The following WSCD1 variants were observed in gnomAD, a reference collection of about 807,000 sequenced individuals.
The protein encoded by WSCD1 is sialate:O-sulfotransferase 1.
In WSCD1, 41 loss-of-function variants were observed where a neutral mutation model predicts 60.4. The observed-to-expected ratio is 0.68, with a 90% CI of 0.53 to 0.88. WSCD1 has a LOEUF of 0.88. Ranked by LOEUF, WSCD1 falls within the 40% of genes least tolerant of loss-of-function variation. The probability of loss-of-function intolerance (pLI) is 0.00; values close to 1 mark genes in which losing one functional copy is unlikely to be tolerated. For missense variants in WSCD1, 784 were observed against 796.2 expected (o/e 0.98, Z 0.18); for synonymous variants, 361 against 332.5 (o/e 1.09, Z -0.93).
rs368447090 is a variant in WSCD1 at position 6,110,957 on chromosome 17, C to T, written c.1174+22C>T. Reference sequence around the variant, plus strand: ...AAAGGTAAGTCAAAGCTACAGGGGACGATGGAAGGCAGCTCCCGGTGACCA... The same window carrying T: ...AAAGGTAAGTCAAAGCTACAGGGGATGATGGAAGGCAGCTCCCGGTGACCA... On this transcript the variant is annotated intron_variant, in intron 7 of 8. Coordinates refer to ENST00000317744, the MANE Select transcript of WSCD1 (RefSeq NM_015253.2). The surrounding 1 kb of genome is among the most constrained non-coding windows in gnomAD (Gnocchi z 4.8). 4.1e-5 allele frequency: 65 copies of T among 1,570,266 alleles called. No homozygotes were observed. Among genetic ancestry groups the T allele is most frequent in the South Asian group, 4.0e-4 (35 of 86,664 alleles).
At chr17:6,104,991 A>G (rs1294954159) in intron 5 of WSCD1, among the ~76,000 whole-genome samples, 3 of 152,178 alleles carry the variant, frequency 2.0e-5, no homozygotes, top group African/African-American at 7.2e-5. Context: ...CTGAAGATGG[A>G]GGAGATGATG....
Position 6,074,240 on chromosome 17 carries a change from G to A in WSCD1, c.-289+3588G>A, listed in dbSNP as rs115045641. Among the ~76,000 whole-genome samples, 736 of 152,214 alleles carry A rather than the reference G, an allele frequency of 4.8e-3. 9 individuals carry two copies. Among genetic ancestry groups the A allele is most frequent in the African/African-American group, 0.017 (704 of 41,526 alleles). ...TGAAGTTCAAACTCTCAAGAGATTT[G>A]CCTCATCAAAGACAGGGATCCCACC... On this transcript the variant is annotated intron_variant, in intron 1 of 8. Transcript: ENST00000317744.
At chr17:6,091,791 G>A (rs1597358247) in intron 4 of WSCD1, among the ~76,000 whole-genome samples, 2 of 152,182 alleles carry the variant, frequency 1.3e-5, no homozygotes, top group East Asian at 3.9e-4. Context: ...ACCGCCTCTG[G>A]TCATGCCCTA....
At chr17:6,087,937 G>A (rs1909763814) in intron 2 of WSCD1, 53 bp from the exon 3 acceptor site, 3 of 1,456,780 alleles carry the variant, frequency 2.1e-6, no homozygotes, top group Non-Finnish European at 2.9e-6. Context: ...TTTCCTAAGG[G>A]TGGGCCCATG....
chr17:6,080,708 TC>T lies in WSCD1; in HGVS notation c.52del (p.Leu18CysfsTer10). The T allele has an allele frequency of 6.2e-7, 1 of 1,613,612 alleles. No homozygotes were observed. The highest frequency in any genetic ancestry group is 8.5e-7 in the Non-Finnish European group (1 of 1,179,926). The part of the protein sequence containing the change: ...RLQKFLRRTQ[F>X]LLFFLTAAYL... ...CAGAAGTTTCTCCGCCGAACACAGTTCCTGCTGTTCTTCCTCACGGCTGCCT... is the reference window on the plus strand; with the variant it reads ...CAGAAGTTTCTCCGCCGAACACAGTTCTGCTGTTCTTCCTCACGGCTGCCT... On this transcript the variant is annotated frameshift_variant, in exon 2 of 9. Transcript: ENST00000317744. LOFTEE classifies it high-confidence loss of function. The surrounding 1 kb of genome is among the most constrained non-coding windows in gnomAD (Gnocchi z 6.6).
In WSCD1 at chr17:6,120,295, T is replaced by C; in HGVS notation, c.1376-14T>C. ...CCAGCCCCCGACTCTGCATCTCTCCTGTCCTCACTCTAGAGTGGCCGGACT... is the reference window on the plus strand; with the variant it reads ...CCAGCCCCCGACTCTGCATCTCTCCCGTCCTCACTCTAGAGTGGCCGGACT... On this transcript the variant is annotated splice_polypyrimidine_tract_variant and intron_variant, in intron 8 of 8. Coordinates refer to ENST00000317744, the MANE Select transcript of WSCD1 (RefSeq NM_015253.2). 1 of 1,609,386 alleles carries C rather than the reference T, an allele frequency of 6.2e-7. No homozygotes were observed.
rs370730997 is a variant in WSCD1 at position 6,109,783 on chromosome 17, C to G, written c.1009+17C>G. ...CTGTGCAAGGTGGGTTCTGCATCCCCGACTGGTAGTGGCATTTGGTCTGGG... is the reference window on the plus strand; with the variant it reads ...CTGTGCAAGGTGGGTTCTGCATCCCGGACTGGTAGTGGCATTTGGTCTGGG... On this transcript the variant is annotated intron_variant, in intron 6 of 8. Coordinates refer to ENST00000317744, the MANE Select transcript of WSCD1 (RefSeq NM_015253.2). 1 of 1,603,986 alleles carries G rather than the reference C, an allele frequency of 6.2e-7. No homozygotes were observed. The highest frequency in any genetic ancestry group is 2.2e-5 in the East Asian group (1 of 44,620).
At position 6,091,980 on chromosome 17, in the gene WSCD1, A is replaced by C. The variant is rs959847824; in HGVS notation, c.727+1475A>C. ...GACCAGCCTGACCAACATGGTGAAAACCCGTCTCTACTAAAAATACAAAAT... is the reference window on the plus strand; with the variant it reads ...GACCAGCCTGACCAACATGGTGAAACCCCGTCTCTACTAAAAATACAAAAT... On this transcript the variant is annotated intron_variant, in intron 4 of 8. Coordinates refer to ENST00000317744, the MANE Select transcript of WSCD1 (RefSeq NM_015253.2). 6.3e-4 allele frequency among the ~76,000 whole-genome samples: 96 copies of C among 151,712 alleles called. 1 individual carries two copies. The highest frequency in any genetic ancestry group is 8.7e-4 in the African/African-American group (36 of 41,340).
chr17:6,088,025 G>T lies in WSCD1; in HGVS notation c.463G>T (p.Glu155Ter), dbSNP rs766551088. ...TGGATGCTTCAGTGACGATGGCCAC[G>T]AGAGGACTCTGAAAGGAGCTGTGTT... Reference protein sequence around the residue: ...YIGCFSDDGHERTLKGAVFYD... With the variant: ...YIGCFSDDGH Residue 155 changes from glutamate (E) to a stop codon, truncating the protein, a stop_gained, in exon 3 of 9, where the codon GAG becomes TAG. Coordinates refer to ENST00000317744, the MANE Select transcript of WSCD1 (RefSeq NM_015253.2). LOFTEE classifies it high-confidence loss of function. The T allele has an allele frequency of 6.2e-7, 1 of 1,614,162 alleles. No individual in the cohort carries two copies. Among genetic ancestry groups the T allele is most frequent in the Admixed American group, 1.7e-5 (1 of 60,030 alleles).
rs1282151162 is a variant in WSCD1 at position 6,122,200 on chromosome 17, C to G, written c.*1539C>G. ...CTTCCTAGCCTGATGATGGGGAACC[C>G]AGAGCCACCCGCTATGAGCACAGGC... On this transcript the variant is annotated 3_prime_UTR_variant, in exon 9 of 9. Coordinates refer to ENST00000317744, the MANE Select transcript of WSCD1 (RefSeq NM_015253.2). The G allele has an allele frequency of 6.6e-6, 1 of 152,270 alleles. No homozygotes were observed. Among genetic ancestry groups the G allele is most frequent in the Non-Finnish European group, 1.5e-5 (1 of 68,120 alleles). 9.4% of individuals were successfully genotyped at this position (152,270 alleles called of 1,614,324 possible).
chr17:6,071,847 C>A (rs981888075), intron 1 of WSCD1, among the ~76,000 whole-genome samples: 5 of 152,194 alleles, frequency 3.3e-5, no homozygotes, highest in Non-Finnish European at 7.4e-5. Flanking sequence ...CTCAATCATG[C>A]CCCCACCCCC....
At chr17:6,094,599 G>A (rs1910277817) in intron 4 of WSCD1, among the ~76,000 whole-genome samples, 1 of 150,424 alleles carries the variant, frequency 6.6e-6, no homozygotes, top group Middle Eastern at 3.2e-3. Flanking sequence ...GAGGAAGGAA[G>A]GAAGGAAGGA....
At chr17:6,109,993 T>G (rs1911318465) in intron 6 of WSCD1, among the ~76,000 whole-genome samples, 1 of 152,112 alleles carries the variant, frequency 6.6e-6, no homozygotes, top group Non-Finnish European at 1.5e-5. Context: ...ACTGGACCCT[T>G]TATCTAAGTC....
intron 5 of WSCD1, among the ~76,000 whole-genome samples, chr17:6,108,083 T>TG (rs1203907097): frequency 1.3e-5 from 2 of 151,884 alleles, no homozygotes; most frequent in East Asian, 1.9e-4. Flanking sequence ...AGCCTGACAG[T>TG]GGGGGGCAAC....
intron 7 of WSCD1, among the ~76,000 whole-genome samples, chr17:6,114,268 T>C (rs1911578039): frequency 6.6e-6 from 1 of 152,034 alleles, no homozygotes; most frequent in Non-Finnish European, 1.5e-5. Flanking sequence ...TACCACATGC[T>C]CTCATTCATA....
intron 8 of WSCD1, 110 bp from the exon 9 acceptor site, chr17:6,120,199 G>A (rs1215196539): frequency 1.6e-5 from 19 of 1,179,032 alleles, no homozygotes; most frequent in Non-Finnish European, 1.9e-5. Context: ...ACTCTAGGCA[G>A]TGGACAGTGG....
At chr17:6,082,459 G>A (rs1038846025) in intron 2 of WSCD1, among the ~76,000 whole-genome samples, 4 of 152,180 alleles carry the variant, frequency 2.6e-5, no homozygotes, top group South Asian at 2.1e-4. Context: ...GAAGGGACAC[G>A]GCAGGGTCTA....
In WSCD1 at chr17:6,121,659, A is replaced by T. The variant is rs906609699; in HGVS notation, c.*998A>T. On this transcript the variant is annotated 3_prime_UTR_variant, in exon 9 of 9. Transcript: ENST00000317744. Reference sequence around the variant, plus strand: ...ATGGGTCTTGGGAGTTGGCATGGGGAGATTGTAAGGGCTGTATCTCCGCGA... The same window carrying T: ...ATGGGTCTTGGGAGTTGGCATGGGGTGATTGTAAGGGCTGTATCTCCGCGA... 2.6e-5 allele frequency: 4 copies of T among 151,886 alleles called. No individual in the cohort carries two copies. The highest frequency in any genetic ancestry group is 2.0e-4 in the Admixed American group (3 of 15,256). 9.4% of individuals were successfully genotyped at this position (151,886 alleles called of 1,614,324 possible). A position where few individuals can be genotyped will look rare whatever the true frequency, so the allele number is the denominator to read the frequency against.
At chr17:6,084,371 C>T (rs936548811) in intron 2 of WSCD1, among the ~76,000 whole-genome samples, 12 of 152,258 alleles carry the variant, frequency 7.9e-5, no homozygotes, top group African/African-American at 2.9e-4. Flanking sequence ...TCGTGGGGCT[C>T]CATGGGCCAA....
Sources: allele counts gnomAD v4.1 joint callset (sites outside exome capture counted in the v4.1 genomes callset), GRCh38; gene constraint gnomAD v4.1.1; non-coding constraint Gnocchi (gnomAD v3.1); transcripts MANE v1.5; gene names NCBI Gene and HGNC (gene_info 2026-07-23, HGNC 2026-07-21).